The following KIAA1328 variants were observed in gnomAD, a reference collection of about 807,000 sequenced individuals.
The protein encoded by KIAA1328 is KIAA1328.
A neutral mutation model predicts 68.1 loss-of-function variants in KIAA1328; 52 were observed. That is an observed-to-expected ratio of 0.76 (90% confidence interval 0.61 to 0.96). KIAA1328 has a LOEUF of 0.96. Among genes scored for constraint, KIAA1328 ranks in the 40% least tolerant of loss-of-function variants. KIAA1328 has a pLI of 0.00. For missense variants in KIAA1328, 641 were observed against 677.6 expected (o/e 0.95, Z 0.60); for synonymous variants, 232 against 239.4 (o/e 0.97, Z 0.28).
At chr18:37,100,163 A>G (rs1683512) in intron 7 of KIAA1328, among the ~76,000 whole-genome samples, 118,230 of 151,640 alleles carry the variant, frequency 0.78, 46,721 homozygotes, top group African/African-American at 0.91. Flanking sequence ...GGGAGTGTTG[A>G]ACAGTGGGCG....
chr18:36,924,728 C>T (rs1336303005), intron 5 of KIAA1328, among the ~76,000 whole-genome samples: 1 of 151,816 alleles, frequency 6.6e-6, no homozygotes, highest in Non-Finnish European at 1.5e-5. Flanking sequence ...CAAGGACACA[C>T]CCCAATATTT....
chr18:36,973,812 T>TACACAC (rs761416952), intron 6 of KIAA1328, among the ~76,000 whole-genome samples: 2,082 of 103,612 alleles, frequency 0.02, 27 homozygotes, highest in Non-Finnish European at 0.027. Context: ...TGTACGCACA[T>TACACAC]ACACACACAC....
chr18:37,167,968 TAAC>T (rs1044439872), intron 8 of KIAA1328, among the ~76,000 whole-genome samples: 12 of 151,982 alleles, frequency 7.9e-5, no homozygotes, highest in African/African-American at 2.9e-4. Flanking sequence ...AAAATATACT[TAAC>T]AAAATACTAG....
chr18:37,192,798 G>A (rs1464062764), intron 9 of KIAA1328, among the ~76,000 whole-genome samples: 2 of 152,150 alleles, frequency 1.3e-5, no homozygotes, highest in African/African-American at 2.4e-5. Context: ...TTCACAAAGT[G>A]ATTAAGATGC....
intron 6 of KIAA1328, among the ~76,000 whole-genome samples, chr18:37,051,581 C>T (rs1038361599): frequency 6.6e-6 from 1 of 152,096 alleles, no homozygotes; most frequent in Non-Finnish European, 1.5e-5. Context: ...AAAGAAAACC[C>T]TGTACTAGAT....
chr18:36,971,415 A>C (rs2052204463), intron 6 of KIAA1328, among the ~76,000 whole-genome samples: 1 of 152,208 alleles, frequency 6.6e-6, no homozygotes, highest in Non-Finnish European at 1.5e-5. Context: ...GGATCACCTG[A>C]GGTTGGGAGT....
chr18:37,089,367 G>C (rs2057199771), intron 7 of KIAA1328, among the ~76,000 whole-genome samples: 1 of 138,418 alleles, frequency 7.2e-6, no homozygotes, highest in Admixed American at 7.2e-5. Flanking sequence ...CTTGAAGGTA[G>C]TGGCTTTTTT....
intron 4 of KIAA1328, among the ~76,000 whole-genome samples, chr18:36,875,655 T>G (rs1387301854): frequency 6.6e-6 from 1 of 152,184 alleles, no homozygotes; most frequent in African/African-American, 2.4e-5. Context: ...CGAATACCAT[T>G]TATTTCTTTC....
intron 5 of KIAA1328, among the ~76,000 whole-genome samples, chr18:36,953,409 GATA>G (rs2051253638): frequency 6.8e-6 from 1 of 146,420 alleles, no homozygotes; most frequent in Non-Finnish European, 1.5e-5. Flanking sequence ...TAGATAGATA[GATA>G]GATAGATAGA....
At chr18:36,932,179 C>T (rs778093712) in intron 5 of KIAA1328, among the ~76,000 whole-genome samples, 3 of 152,148 alleles carry the variant, frequency 2.0e-5, no homozygotes, top group African/African-American at 2.4e-5. Flanking sequence ...TGATCATAAA[C>T]GTTTCCAGTA....
chr18:37,176,389 C>G lies in KIAA1328; in HGVS notation c.1523+3308C>G, dbSNP rs377320872. On this transcript the variant is annotated intron_variant, in intron 9 of 9. Transcript: ENST00000280020. ...TTTGTATGTAGAAATATTCATCTAT[C>G]TCATGCTAACAAAATAAATATGTAA... Among the ~76,000 whole-genome samples, 41 of 152,262 alleles carry G rather than the reference C, an allele frequency of 2.7e-4. No homozygotes were observed. In the East Asian group the frequency reaches 6.6e-3, roughly 24 times the overall value.
At chr18:37,194,082 C>CTA (rs1428559984) in intron 9 of KIAA1328, among the ~76,000 whole-genome samples, 1 of 152,106 alleles carries the variant, frequency 6.6e-6, no homozygotes, top group Non-Finnish European at 1.5e-5. Context: ...ATGAATATTC[C>CTA]TATATATATC....
At position 37,222,402 on chromosome 18, in the gene KIAA1328, C is replaced by T. The variant is rs1417343411; in HGVS notation, c.*175C>T. The T allele has an allele frequency of 7.0e-7, 1 of 1,435,894 alleles. No homozygotes were observed. Among genetic ancestry groups the T allele is most frequent in the Non-Finnish European group, 9.1e-7 (1 of 1,102,008 alleles). The allele number at this position is 1,435,894 out of a possible 1,614,324, so 88.9% of individuals were successfully genotyped here. On this transcript the variant is annotated 3_prime_UTR_variant, in exon 10 of 10. Transcript: ENST00000280020. ...TCTAACAACCCAGGTTATTTTCAAT[C>T]AGACCAGGCATTCGATAACACACTA... is the stretch of plus-strand genomic sequence containing the variant.
At chr18:36,963,447 T>A (rs1223106970) in intron 6 of KIAA1328, among the ~76,000 whole-genome samples, 1 of 152,200 alleles carries the variant, frequency 6.6e-6, no homozygotes, top group Non-Finnish European at 1.5e-5. Context: ...ATCTTAAGGA[T>A]ACAGAGCTGA....
intron 6 of KIAA1328, among the ~76,000 whole-genome samples, chr18:36,962,405 A>G (rs944126960): frequency 6.6e-6 from 1 of 152,238 alleles, no homozygotes; most frequent in African/African-American, 2.4e-5. Context: ...AATATTAGAC[A>G]GATCAATGGG....
chr18:36,901,247 AATGTTC>A (rs2049028231), intron 5 of KIAA1328, among the ~76,000 whole-genome samples: 1 of 152,072 alleles, frequency 6.6e-6, no homozygotes, highest in Non-Finnish European at 1.5e-5. Context: ...CTGTTATGTT[AATGTTC>A]TTGGGCATCT....
chr18:36,892,951 G>T (rs975226265), intron 5 of KIAA1328, among the ~76,000 whole-genome samples: 2 of 151,840 alleles, frequency 1.3e-5, no homozygotes, highest in Non-Finnish European at 2.9e-5. Flanking sequence ...CTCACTATTG[G>T]GTGACTATTA....
At chr18:36,834,132 A>T in intron 1 of KIAA1328, 188 bp from the exon 2 acceptor site, 1 of 937,398 alleles carries the variant, frequency 1.1e-6, no homozygotes, top group Non-Finnish European at 1.4e-6. Context: ...TGCTACATTT[A>T]ATTCAATTAC....
At chr18:37,184,183 C>G (rs1056492728) in intron 9 of KIAA1328, among the ~76,000 whole-genome samples, 6 of 152,134 alleles carry the variant, frequency 3.9e-5, no homozygotes, top group African/African-American at 1.4e-4. Flanking sequence ...CACCACATCT[C>G]CAAAAAATCC....
Sources: gnomAD v4.1 joint callset for allele counts (sites outside exome capture counted in the v4.1 genomes callset) on GRCh38, gnomAD v4.1.1 for gene constraint, MANE v1.5 for transcripts, NCBI Gene and HGNC (gene_info 2026-07-23, HGNC 2026-07-21) for gene names.